SYT7: variants seen among roughly 807,000 people sequenced by gnomAD.
The protein encoded by SYT7 is synaptotagmin-7.
Under a neutral mutation model 75.1 loss-of-function variants are expected in SYT7, and 29 were observed. The ratio of observed to expected loss-of-function variants is 0.39; its 90% confidence interval spans 0.29 to 0.53. The LOEUF (loss-of-function observed/expected upper bound fraction) is 0.53. SYT7 is among the 20% of genes least tolerant of loss of function. SYT7 has a pLI of 0.77. For synonymous variants in SYT7, 376 were observed against 401.7 expected (o/e 0.94, Z 0.76); for missense variants, 693 against 953.2 (o/e 0.73, Z 3.59).
At chr11:61,536,159 G>A (rs567458166) in intron 7 of SYT7, among the ~76,000 whole-genome samples, 5 of 152,254 alleles carry the variant, frequency 3.3e-5, no homozygotes, top group Admixed American at 1.3e-4. Flanking sequence ...CGGTCCACTC[G>A]GAAAGTCAGG....
chr11:61,557,625 C>T lies in SYT7; in HGVS notation c.32-1418G>A, dbSNP rs560091984. ...CTCCTAGTTGTGGGGAAAGACCACA[C>T]TTGTGAGGCTCCCACCTGTCCACCT... On this transcript the variant is annotated intron_variant, in intron 1 of 12. Transcript: ENST00000539008. Among the ~76,000 whole-genome samples the T allele has an allele frequency of 2.6e-5, 4 of 152,310 alleles. 1 individual carries two copies. In the Middle Eastern group the frequency reaches 0.01, roughly 389 times the overall value.
intron 1 of SYT7, among the ~76,000 whole-genome samples, chr11:61,569,012 G>C (rs921434366): frequency 2.3e-4 from 35 of 152,212 alleles, no homozygotes; most frequent in Non-Finnish European, 7.3e-5. Flanking sequence ...ACTTCCCCAA[G>C]GCTGGGGTGC....
chr11:61,531,069 G>A (rs2062690611), intron 8 of SYT7: 1 of 985,428 alleles, frequency 1.0e-6, no homozygotes, highest in African/African-American at 1.7e-5. Flanking sequence ...CTTGTCTCTT[G>A]ACCCCCAGAT....
At chr11:61,585,232 C>T (rs879332928), upstream of SYT7, among the ~76,000 whole-genome samples, 6 of 152,206 alleles carry the variant, frequency 3.9e-5, no homozygotes, top group Non-Finnish European at 7.3e-5. Flanking sequence ...TTGTTGCTGT[C>T]TCCCCACAGT....
At chr11:61,540,984 CAA>C (rs1329775589) in intron 6 of SYT7, 1 of 985,456 alleles carries the variant, frequency 1.0e-6, no homozygotes, top group African/African-American at 1.7e-5. Flanking sequence ...CCTGATTTGC[CAA>C]AGAGTCACAG....
intron 1 of SYT7, among the ~76,000 whole-genome samples, chr11:61,571,950 G>A (rs1245910739): frequency 1.3e-5 from 2 of 152,176 alleles, no homozygotes; most frequent in African/African-American, 4.8e-5. Context: ...CTCTGACCAA[G>A]TTACCATTGC....
chr11:61,537,707 G>C (rs553319740), intron 7 of SYT7, among the ~76,000 whole-genome samples: 1 of 152,340 alleles, frequency 6.6e-6, no homozygotes, highest in South Asian at 2.1e-4. Context: ...GCAAGAGGGA[G>C]GTTGAGGGGG....
At chr11:61,536,444 C>T (rs936933992) in intron 7 of SYT7, among the ~76,000 whole-genome samples, 2 of 152,192 alleles carry the variant, frequency 1.3e-5, no homozygotes, top group East Asian at 3.9e-4. Flanking sequence ...GTTCAGAGGA[C>T]GCCAGCCACC....
At chr11:61,525,355 C>T (rs1206172132) in intron 9 of SYT7, among the ~76,000 whole-genome samples, 1 of 152,164 alleles carries the variant, frequency 6.6e-6, no homozygotes, top group Non-Finnish European at 1.5e-5. Context: ...ACAATTTGGC[C>T]CGGCTGTCCT....
chr11:61,523,157 G>A lies in SYT7; in HGVS notation c.1874C>T (p.Pro625Leu). ...IFNESFAFDI[P>L]TEKLRETTII... is the part of the protein sequence containing the mutation. ...GGTCGTCTCCCTCAGCTTCTCCGTG[G>A]GGATATCGAAGGCGAAGGACTCATT... The change falls in exon 12 of 13, where the codon CCC becomes CTC. Residue 625 changes from proline to leucine, a missense_variant. Physicochemically the swap from Pro to Leu is moderately conservative, Grantham distance 98. Transcript: ENST00000539008. The surrounding 1 kb of genome is among the most constrained non-coding windows in gnomAD (Gnocchi z 5.0). 1 of 1,614,170 alleles carries A rather than the reference G, an allele frequency of 6.2e-7. No individual in the cohort carries two copies. Among genetic ancestry groups the A allele is most frequent in the Non-Finnish European group, 8.5e-7 (1 of 1,180,036 alleles).
At position 61,517,793 on chromosome 11, in the gene SYT7, A is replaced by G; in HGVS notation, c.*834T>C. The G allele has an allele frequency of 2.9e-6, 1 of 348,266 alleles. No homozygotes were observed. The highest frequency in any genetic ancestry group is 5.1e-6 in the Non-Finnish European group (1 of 195,396). 21.6% of individuals were successfully genotyped at this position (348,266 alleles called of 1,614,324 possible). A position where few individuals can be genotyped will look rare whatever the true frequency, so the allele number is the denominator to read the frequency against. ...CAGTGTTCAAGAGATGAAATTGCTG[A>G]GGAGGGAACTACTTCAGATTCTGAG... On this transcript the variant is annotated 3_prime_UTR_variant, in exon 13 of 13. Transcript: ENST00000539008.
intron 1 of SYT7, among the ~76,000 whole-genome samples, chr11:61,579,777 C>T (rs2064193637): frequency 6.6e-6 from 1 of 152,228 alleles, no homozygotes; most frequent in African/African-American, 2.4e-5. Flanking sequence ...GGGAGCACAT[C>T]CTGGGCTGGG....
intron 8 of SYT7, among the ~76,000 whole-genome samples, chr11:61,531,616 G>A (rs1322247799): frequency 1.3e-5 from 2 of 152,030 alleles, no homozygotes; most frequent in East Asian, 1.9e-4. Context: ...AGGATAGACC[G>A]GGCGCAGTGG....
In SYT7 at chr11:61,513,919, T is replaced by C. The variant is rs1467214120; in HGVS notation, c.*4708A>G. ...GCTGGGGCATCGGCGTGCTCAAGGC[T>C]TGTCCTTCTGGTTGTCTTTGCGTGG... On this transcript the variant is annotated 3_prime_UTR_variant, in exon 13 of 13. Transcript: ENST00000539008. 6.6e-6 allele frequency among the ~76,000 whole-genome samples: 1 copy of C among 152,166 alleles called. No individual in the cohort carries two copies. The highest frequency in any genetic ancestry group is 2.4e-5 in the African/African-American group (1 of 41,422).
chr11:61,539,115 G>A (rs1408515642), intron 6 of SYT7, among the ~76,000 whole-genome samples: 1 of 152,194 alleles, frequency 6.6e-6, no homozygotes, highest in Non-Finnish European at 1.5e-5. Flanking sequence ...AAGCCAAGGC[G>A]GCGAGAAAGT....
chr11:61,520,459 G>A (rs1015273504), intron 12 of SYT7, among the ~76,000 whole-genome samples: 6 of 151,950 alleles, frequency 3.9e-5, no homozygotes, highest in African/African-American at 1.2e-4. Context: ...TGGGGAGGTC[G>A]AGGCTGCAGT....
In SYT7 at chr11:61,580,796, T is replaced by C; in HGVS notation, c.25A>G (p.Ser9Gly). 7.8e-7 allele frequency: 1 copy of C among 1,289,992 alleles called. No homozygotes were observed. The highest frequency in any genetic ancestry group is 2.4e-5 in the South Asian group (1 of 41,140). The allele number at this position is 1,289,992 out of a possible 1,614,324, so 79.9% of individuals were successfully genotyped here. A position where few individuals can be genotyped will look rare whatever the true frequency, so the allele number is the denominator to read the frequency against. Reference protein sequence around the residue: MYRDPEAASPGAPSRDVLL... With the variant: MYRDPEAAGPGAPSRDVLL... Reference sequence around the variant, plus strand: ...CCGCCGGGGCCGCGCTTACCTGGGCTGGCCGCCTCCGGGTCCCGGTACATG... The same window carrying C: ...CCGCCGGGGCCGCGCTTACCTGGGCCGGCCGCCTCCGGGTCCCGGTACATG... The change falls in exon 1 of 13, where the codon AGC (serine) becomes GGC (glycine). Residue 9 changes from serine (S) to glycine (G), a missense_variant. Physicochemically the swap from Ser to Gly is moderately conservative, Grantham distance 56. Coordinates refer to ENST00000539008, the MANE Select transcript of SYT7 (RefSeq NM_001365809.2). This position sits in a 1 kb window ranked among gnomAD's most constrained non-coding sequence, Gnocchi z 6.1.
chr11:61,580,049 T>TC lies in SYT7; in HGVS notation c.31+740dup. On this transcript the variant is annotated intron_variant, in intron 1 of 12. Transcript: ENST00000539008. The surrounding 1 kb of genome is among the most constrained non-coding windows in gnomAD (Gnocchi z 6.1). ...AGAGGATACCAAGCAGACAGTGGGC[T>TC]CCCAGGCCACTCCCCTGGCGGGCGA... Among the ~76,000 whole-genome samples the TC allele has an allele frequency of 6.6e-6, 1 of 152,224 alleles. No individual in the cohort carries two copies. The highest frequency in any genetic ancestry group is 2.1e-4 in the South Asian group (1 of 4,828).
At position 61,538,134 on chromosome 11, in the gene SYT7, G is replaced by A. The variant is rs1054808438; in HGVS notation, c.1064+10C>T. The A allele has an allele frequency of 6.5e-7, 1 of 1,535,942 alleles. No homozygotes were observed. The highest frequency in any genetic ancestry group is 8.7e-7 in the Non-Finnish European group (1 of 1,146,766). Reference sequence around the variant, plus strand: ...CCGCCGCCGCCGCAGGCCCTCGCCTGTGCTCGTACCTCTTGTCCCCCTGAG... The same window carrying A: ...CCGCCGCCGCCGCAGGCCCTCGCCTATGCTCGTACCTCTTGTCCCCCTGAG... On this transcript the variant is annotated intron_variant, in intron 7 of 12. Transcript: ENST00000539008.
Sources: allele counts gnomAD v4.1 joint callset (sites outside exome capture counted in the v4.1 genomes callset), GRCh38; gene constraint gnomAD v4.1.1; non-coding constraint Gnocchi (gnomAD v3.1); transcripts MANE v1.5; gene names NCBI Gene and HGNC (gene_info 2026-07-23, HGNC 2026-07-21).